The following GP6 variants were observed in gnomAD, a reference collection of about 807,000 sequenced individuals.
GP6 encodes the protein glycoprotein VI platelet, also known as platelet glycoprotein VI.
In GP6, 45 loss-of-function variants were observed where a neutral mutation model predicts 37.3. The observed-to-expected ratio is 1.21, with a 90% confidence interval of 0.95 to 1.55. The LOEUF (loss-of-function observed/expected upper bound fraction) is 1.55. Ranked by LOEUF, GP6 falls within the 40% of genes most tolerant of loss-of-function variation. GP6 has a pLI of 0.00. For synonymous variants in GP6, 340 were observed against 316.4 expected (o/e 1.07, Z -0.79); for missense variants, 813 against 760.2 (o/e 1.07, Z -0.82).
chr19:55,021,762 T>C (rs55897189), intron 5 of GP6, among the ~76,000 whole-genome samples: 116,179 of 151,902 alleles, frequency 0.76, 45,107 homozygotes, highest in Middle Eastern at 0.84. Flanking sequence ...CCTTGTGATC[T>C]GCCTGCCTCG....
chr19:55,035,649 G>A (rs1270581126), intron 1 of GP6, among the ~76,000 whole-genome samples: 2 of 151,860 alleles, frequency 1.3e-5, no homozygotes, highest in Admixed American at 1.3e-4. Context: ...CCTGGGAGGT[G>A]GAGGTTGCAG....
chr19:55,036,141 T>G (rs1416454651), intron 1 of GP6, among the ~76,000 whole-genome samples: 2 of 150,476 alleles, frequency 1.3e-5, no homozygotes, highest in African/African-American at 5.0e-5. Flanking sequence ...CTAAGTAAAG[T>G]AATACAGGAG....
At position 55,032,302 on chromosome 19, in the gene GP6, C is replaced by T; in HGVS notation, c.162G>A (p.Val54=). Residue 54 remains valine, a synonymous_variant, in exon 3 of 8, where the codon GTG becomes GTA. Coordinates refer to ENST00000310373, the MANE Select transcript of GP6 (RefSeq NM_001083899.2). ...TCAGCTTCTCCAGGCGGTACAGGTC[C>T]ACGCCCGGAGGTCCCTGGCACCGGA... is the stretch of plus-strand genomic sequence containing the variant. 1 of 1,614,012 alleles carries T rather than the reference C, an allele frequency of 6.2e-7. No individual in the cohort carries two copies.
rs766892945 is a variant in GP6, at chr19:55,015,191, C to T, written c.780-26G>A. The T allele has an allele frequency of 3.9e-6, 6 of 1,551,308 alleles. No individual in the cohort carries two copies. The Admixed American group carries it at 1.2e-4, about 30-fold the overall frequency. Reference sequence around the variant, plus strand: ...CTGGAGGAATGAGGAGAGGCAGGAGCAGGTGAAAGAGCCCACCTCCAGGAC... The same window carrying T: ...CTGGAGGAATGAGGAGAGGCAGGAGTAGGTGAAAGAGCCCACCTCCAGGAC... On this transcript the variant is annotated intron_variant, in intron 7 of 7. Coordinates refer to ENST00000310373, the MANE Select transcript of GP6 (RefSeq NM_001083899.2).
rs1568622156 is a variant in GP6, at chr19:55,027,597, G to T, written c.591C>A (p.Pro197=). The T allele has an allele frequency of 6.2e-7, 1 of 1,613,562 alleles. No individual in the cohort carries two copies. The highest frequency in any genetic ancestry group is 1.7e-5 in the Admixed American group (1 of 60,028). Reference sequence around the variant, plus strand: ...CCCTACCTGTGACCACAAGCTCCAGGGGGTCGCTGGGGGCTGACCACAGGT... The same window carrying T: ...CCCTACCTGTGACCACAAGCTCCAGTGGGTCGCTGGGGGCTGACCACAGGT... Residue 197 remains proline, a synonymous_variant, in exon 4 of 8, where the codon CCC becomes CCA. Coordinates refer to ENST00000310373, the MANE Select transcript of GP6 (RefSeq NM_001083899.2).
chr19:55,021,013 C>T (rs571818021), intron 5 of GP6, among the ~76,000 whole-genome samples: 120 of 148,958 alleles, frequency 8.1e-4, no homozygotes, highest in African/African-American at 2.7e-3. Context: ...GATCATGCCC[C>T]TGCAATCCAG....
At chr19:55,022,667 G>C (rs575357795) in intron 5 of GP6, among the ~76,000 whole-genome samples, 2 of 152,266 alleles carry the variant, frequency 1.3e-5, no homozygotes, top group African/African-American at 4.8e-5. Flanking sequence ...AAAGTCTCAG[G>C]ATACAAAATC....
chr19:55,027,598 G>T lies in GP6; in HGVS notation c.590C>A (p.Pro197His), dbSNP rs778314910. The T allele has an allele frequency of 6.2e-7, 1 of 1,613,394 alleles. No homozygotes were observed. Among genetic ancestry groups the T allele is most frequent in the Non-Finnish European group, 8.5e-7 (1 of 1,179,428 alleles). ...CCTACCTGTGACCACAAGCTCCAGG[G>T]GGTCGCTGGGGGCTGACCACAGGTA... Residue 197 changes from proline (P) to histidine (H), a missense_variant, in exon 4 of 8, where the codon CCC becomes CAC. Physicochemically the swap from Pro to His is moderately conservative, Grantham distance 77. Transcript: ENST00000310373.
Position 55,034,807 on chromosome 19 carries a change from CT to C in GP6, c.35-2270del, listed in dbSNP as rs2074766917. ...GGAAACTGGGCAGAGGCCAAGCAAC[CT>C]TGTGTAGCTCACATAGCAAGAAGTG... On this transcript the variant is annotated intron_variant, in intron 1 of 7. Transcript: ENST00000310373. 2.0e-5 allele frequency among the ~76,000 whole-genome samples: 3 copies of C among 151,944 alleles called. No individual in the cohort carries two copies. The South Asian group carries it at 6.2e-4, about 31-fold the overall frequency.
chr19:55,032,312 G>A lies in GP6; in HGVS notation c.152C>T (p.Pro51Leu). 1.2e-6 allele frequency: 2 copies of A among 1,614,066 alleles called. No homozygotes were observed. The highest frequency in any genetic ancestry group is 1.3e-5 in the African/African-American group (1 of 75,058). Residue 51 changes from proline (P) to leucine (L), a missense_variant, in exon 3 of 8, where the codon CCT (proline) becomes CTT (leucine). By Grantham distance (98) the Pro-to-Leu change is moderately conservative. Transcript: ENST00000310373. ...CAGGCGGTACAGGTCCACGCCCGGAGGTCCCTGGCACCGGAGGGTCACTGG... is the reference window on the plus strand; with the variant it reads ...CAGGCGGTACAGGTCCACGCCCGGAAGTCCCTGGCACCGGAGGGTCACTGG...
chr19:55,015,798 A>C, intron 6 of GP6, 65 bp from the exon 7 acceptor site: 1 of 841,568 alleles, frequency 1.2e-6, no homozygotes, highest in Non-Finnish European at 2.1e-6. Context: ...CACTGTGCCT[A>C]CTCCGAACAC....
chr19:55,015,838 G>A lies in GP6; in HGVS notation c.725-105C>T. ...ACACATGGGGAGGCACAATTCCACA[G>A]CATTTAAGAAAAGCATGGGCCGGGC... On this transcript the variant is annotated intron_variant, in intron 6 of 7. Transcript: ENST00000310373. The A allele has an allele frequency of 6.7e-6, 5 of 748,074 alleles. No individual in the cohort carries two copies. The South Asian group carries it at 7.1e-5, about 11-fold the overall frequency. 46.3% of individuals were successfully genotyped at this position (748,074 alleles called of 1,614,324 possible).
intron 1 of GP6, among the ~76,000 whole-genome samples, chr19:55,033,616 G>A (rs1187035436): frequency 1.3e-5 from 2 of 152,224 alleles, no homozygotes; most frequent in East Asian, 3.8e-4. Flanking sequence ...AGACATTGCT[G>A]TCCCTTCGTT....
intron 5 of GP6, among the ~76,000 whole-genome samples, chr19:55,022,463 C>T (rs886395056): frequency 4.6e-5 from 7 of 152,272 alleles, no homozygotes; most frequent in Non-Finnish European, 1.0e-4. Context: ...CAAGGATGCC[C>T]TCTTTCACCA....
intron 7 of GP6, 46 bp downstream of exon 7, chr19:55,015,635 AAG>A: frequency 8.4e-7 from 1 of 1,197,304 alleles, no homozygotes; most frequent in Non-Finnish European, 1.3e-6. Flanking sequence ...GGCTTTGGTG[AAG>A]AGACGGGTGA....
chr19:55,032,931 C>CGCGGTGGGCTCGTTCGTGTTAG lies in GP6; in HGVS notation c.35-394_35-393insCTAACACGAACGAGCCCACCGC, dbSNP rs1568640762. 7.1e-6 allele frequency: 2 copies of CGCGGTGGGCTCGTTCGTGTTAG among 280,970 alleles called. 1 individual carries two copies. Among genetic ancestry groups the CGCGGTGGGCTCGTTCGTGTTAG allele is most frequent in the African/African-American group, 4.9e-5 (2 of 40,610 alleles). 17.4% of individuals were successfully genotyped at this position (280,970 alleles called of 1,614,324 possible). On this transcript the variant is annotated intron_variant, in intron 1 of 7. Transcript: ENST00000310373. ...ACACGGTGGGCTCGTTCGTGTTAGA[C>CGCGGTGGGCTCGTTCGTGTTAG]ACGGTGGGCTCGTTCGTGTTAGACA...
At chr19:55,034,645 A>T (rs2074758232) in intron 1 of GP6, among the ~76,000 whole-genome samples, 1 of 152,024 alleles carries the variant, frequency 6.6e-6, no homozygotes, top group Non-Finnish European at 1.5e-5. Context: ...GAGGAGGAAA[A>T]AAAAAGTACT....
At chr19:55,025,180 CAT>C in intron 5 of GP6, 36 bp downstream of exon 5, 1 of 1,136,644 alleles carries the variant, frequency 8.8e-7, no homozygotes, top group Middle Eastern at 2.3e-4. Flanking sequence ...CCGTGTACCT[CAT>C]ACGCTGTGCA....
chr19:55,034,044 CAT>C (rs1171916502), intron 1 of GP6, among the ~76,000 whole-genome samples: 1 of 151,986 alleles, frequency 6.6e-6, no homozygotes, highest in African/African-American at 2.4e-5. Flanking sequence ...TGTATATACA[CAT>C]ATAGTGCATA....
Sources: allele counts gnomAD v4.1 joint callset (sites outside exome capture counted in the v4.1 genomes callset), GRCh38; gene constraint gnomAD v4.1.1; transcripts MANE v1.5; gene names NCBI Gene and HGNC (gene_info 2026-07-23, HGNC 2026-07-21).